The following AGBL4 variants were observed in gnomAD, a reference collection of about 807,000 sequenced individuals.
AGBL4 encodes the protein AGBL carboxypeptidase 4.
Under a neutral mutation model 66.4 loss-of-function variants are expected in AGBL4, and 58 were observed. The ratio of observed to expected loss-of-function variants is 0.87; its 90% CI spans 0.71 to 1.09. AGBL4 has a LOEUF of 1.09. AGBL4 is among the 50% of genes least tolerant of loss of function. The probability of loss-of-function intolerance (pLI) is 0.00; values close to 1 mark genes in which losing one functional copy is unlikely to be tolerated. For synonymous variants in AGBL4, 234 were observed against 222.9 expected (o/e 1.05, Z -0.44); for missense variants, 579 against 631.0 (o/e 0.92, Z 0.88).
intron 9 of AGBL4, 126 bp from the exon 10 acceptor site, chr1:48,591,111 C>T: frequency 7.2e-6 from 6 of 830,730 alleles, no homozygotes; most frequent in Non-Finnish European, 7.1e-6. Flanking sequence ...CACACACACA[C>T]ACATCAAGCT....
intron 3 of AGBL4, among the ~76,000 whole-genome samples, chr1:49,527,995 T>C (rs1553220594): frequency 6.6e-6 from 1 of 151,994 alleles, no homozygotes; most frequent in Non-Finnish European, 1.5e-5. Flanking sequence ...TTAGACAAAT[T>C]AGATTTTTTT....
intron 3 of AGBL4, among the ~76,000 whole-genome samples, chr1:49,643,442 A>G: frequency 6.6e-6 from 1 of 151,786 alleles, no homozygotes; most frequent in East Asian, 1.9e-4. Flanking sequence ...GCTGAAAATT[A>G]TACAAATTTG....
At chr1:49,551,654 A>ATGGGC (rs1231201759) in intron 3 of AGBL4, among the ~76,000 whole-genome samples, 1 of 152,170 alleles carries the variant, frequency 6.6e-6, no homozygotes, top group Non-Finnish European at 1.5e-5. Context: ...TGAGCCATCT[A>ATGGGC]TGGGTCTCAG....
chr1:48,825,339 T>C (rs1646405004), intron 6 of AGBL4, among the ~76,000 whole-genome samples: 1 of 152,190 alleles, frequency 6.6e-6, no homozygotes. Flanking sequence ...TGAACTGTCC[T>C]GATGGTATCA....
chr1:49,759,850 G>A (rs1307562433), intron 2 of AGBL4, among the ~76,000 whole-genome samples: 1 of 152,152 alleles, frequency 6.6e-6, no homozygotes, highest in African/African-American at 2.4e-5. Context: ...AGTGAAAGAA[G>A]CCAGGTATAA....
intron 1 of AGBL4, among the ~76,000 whole-genome samples, chr1:49,903,514 A>C (rs530708111): frequency 6.6e-6 from 1 of 152,274 alleles, no homozygotes; most frequent in African/African-American, 2.4e-5. Context: ...AGTTATTATA[A>C]AAAATAATAA....
rs180688884 is a variant in AGBL4 at position 48,794,523 on chromosome 1, C to T, written c.634+72668G>A. 1.6e-4 allele frequency among the ~76,000 whole-genome samples: 24 copies of T among 152,312 alleles called. No individual in the cohort carries two copies. The East Asian group carries it at 3.5e-3, about 22-fold the overall frequency. The stretch of plus-strand genomic sequence containing the variant: ...ACTCCTCAACCCCACTGCAGTCTAG[C>T]CTTTGCCTCTACCGAACCTACTCTC... On this transcript the variant is annotated intron_variant, in intron 6 of 13. Transcript: ENST00000371839.
At chr1:48,877,723 C>A (rs529594505) in intron 5 of AGBL4, among the ~76,000 whole-genome samples, 1 of 152,112 alleles carries the variant, frequency 6.6e-6, no homozygotes, top group East Asian at 1.9e-4. Flanking sequence ...GTAGGACTTG[C>A]CCCAGTTCAT....
chr1:49,564,936 G>T (rs1433456587), intron 3 of AGBL4, among the ~76,000 whole-genome samples: 2 of 152,152 alleles, frequency 1.3e-5, no homozygotes, highest in East Asian at 3.8e-4. Context: ...TATTGTGTGG[G>T]AGTCTAAGTC....
intron 9 of AGBL4, among the ~76,000 whole-genome samples, chr1:48,597,148 C>T (rs915151505): frequency 1.3e-4 from 20 of 152,280 alleles, no homozygotes; most frequent in South Asian, 4.1e-4. Context: ...TCTTCCTGGA[C>T]GCTCTCAGGG....
chr1:48,901,196 A>ATCCAGTCT (rs1652048595), intron 5 of AGBL4, among the ~76,000 whole-genome samples: 1 of 152,194 alleles, frequency 6.6e-6, no homozygotes, highest in African/African-American at 2.4e-5. Context: ...ATTAGAATGG[A>ATCCAGTCT]TAAAATTAAG....
At chr1:48,634,917 TCTC>T (rs1351998351) in intron 8 of AGBL4, among the ~76,000 whole-genome samples, 1 of 152,134 alleles carries the variant, frequency 6.6e-6, no homozygotes, top group Non-Finnish European at 1.5e-5. Flanking sequence ...ATGCACATCT[TCTC>T]CACACTGCAG....
chr1:48,794,184 G>C (rs1645615353), intron 6 of AGBL4, among the ~76,000 whole-genome samples: 2 of 152,172 alleles, frequency 1.3e-5, no homozygotes, highest in South Asian at 4.1e-4. Flanking sequence ...CCCAGAGACT[G>C]TACCCACAGG....
At chr1:48,626,550 T>C (rs1235006723) in intron 9 of AGBL4, among the ~76,000 whole-genome samples, 1 of 152,220 alleles carries the variant, frequency 6.6e-6, no homozygotes, top group Non-Finnish European at 1.5e-5. Flanking sequence ...CAGATATCTC[T>C]ATCTGGCACA....
At chr1:49,096,717 A>C (rs1053269352) in intron 4 of AGBL4, among the ~76,000 whole-genome samples, 5 of 149,922 alleles carry the variant, frequency 3.3e-5, no homozygotes, top group African/African-American at 1.2e-4. Flanking sequence ...GAGGGATAGC[A>C]TTGGGAGATA....
intron 4 of AGBL4, among the ~76,000 whole-genome samples, chr1:49,108,426 G>A (rs1645340128): frequency 6.6e-6 from 1 of 152,174 alleles, no homozygotes; most frequent in South Asian, 2.1e-4. Flanking sequence ...AAGCAGGTAA[G>A]GAGAAGGGAA....
chr1:49,617,066 A>T (rs535064262), intron 3 of AGBL4, among the ~76,000 whole-genome samples: 2 of 152,132 alleles, frequency 1.3e-5, no homozygotes, highest in African/African-American at 4.8e-5. Context: ...TATTTTTTCC[A>T]TTTCAGCCAT....
intron 3 of AGBL4, among the ~76,000 whole-genome samples, chr1:49,542,061 T>C (rs1252024845): frequency 2.0e-5 from 3 of 152,112 alleles, no homozygotes; most frequent in Non-Finnish European, 4.4e-5. Flanking sequence ...CTGTGGGGAC[T>C]TGGAGAACGT....
intron 1 of AGBL4, among the ~76,000 whole-genome samples, chr1:49,986,884 C>G (rs757589323): frequency 6.6e-6 from 1 of 152,004 alleles, no homozygotes; most frequent in Non-Finnish European, 1.5e-5. Flanking sequence ...GTATTTTATA[C>G]CATGAGTTAT....
Sources: allele counts gnomAD v4.1 joint callset (sites outside exome capture counted in the v4.1 genomes callset), GRCh38; gene constraint gnomAD v4.1.1; transcripts MANE v1.5; gene names NCBI Gene and HGNC (gene_info 2026-07-23, HGNC 2026-07-21).